Variants in NOX4 observed in about 807,000 individuals in gnomAD.
The protein encoded by NOX4 is kidney oxidase-1.
In NOX4, 69 loss-of-function variants were observed where a neutral mutation model predicts 87.6. That is an observed-to-expected ratio of 0.79 (90% CI 0.65 to 0.96). The LOEUF (loss-of-function observed/expected upper bound fraction) is 0.96. Ranked by LOEUF, NOX4 falls within the 40% of genes least tolerant of loss-of-function variation. The pLI, the probability that NOX4 is intolerant of heterozygous loss-of-function variation, is 0.00. For synonymous variants in NOX4, 275 were observed against 238.2 expected (o/e 1.15, Z -1.42); for missense variants, 680 against 681.5 (o/e 1.00, Z 0.02).
rs141735301 is a variant in NOX4 at position 89,437,980 on chromosome 11, T to C, written c.475+2708A>G. Among the ~76,000 whole-genome samples, 8 of 151,830 alleles carry C rather than the reference T, an allele frequency of 5.3e-5. No individual in the cohort carries two copies. The East Asian group carries it at 1.4e-3, about 26-fold the overall frequency. On this transcript the variant is annotated intron_variant, in intron 6 of 17. Transcript: ENST00000263317. ...CTCAAGAGTATGATGAGATGTTCAG[T>C]AGTGACAGGACAGCAGCTCCCAAAG...
the NOX4 span, among the ~76,000 whole-genome samples, chr11:89,520,108 T>C: frequency 6.6e-6 from 1 of 151,846 alleles, no homozygotes; most frequent in Non-Finnish European, 1.5e-5. Flanking sequence ...ATAGTCCCAT[T>C]AGAACTGAAA....
chr11:89,499,823 A>G (rs1266802952), upstream of NOX4, among the ~76,000 whole-genome samples: 1 of 151,866 alleles, frequency 6.6e-6, no homozygotes, highest in Admixed American at 6.6e-5. Flanking sequence ...TGCCTGGTTC[A>G]TTATTTAATC....
intron 12 of NOX4, among the ~76,000 whole-genome samples, chr11:89,356,358 A>G (rs1938051628): frequency 6.6e-6 from 1 of 151,916 alleles, no homozygotes; most frequent in Non-Finnish European, 1.5e-5. Flanking sequence ...TTGATTTAGT[A>G]AACTTCAGTG....
Position 89,473,871 on chromosome 11 carries a change from A to G in NOX4, c.153+16587T>C, listed in dbSNP as rs147747233. Among the ~76,000 whole-genome samples the G allele has an allele frequency of 4.1e-3, 617 of 152,326 alleles. 6 individuals are homozygous for G. Among genetic ancestry groups the G allele is most frequent in the South Asian group, 0.013 (62 of 4,834 alleles). ...AAATAAGCTATCAATTCAAAGAGAA[A>G]GAACTCTGTATGCAAAGAAAGAGCC... On this transcript the variant is annotated intron_variant, in intron 2 of 17. Coordinates refer to ENST00000263317, the MANE Select transcript of NOX4 (RefSeq NM_016931.5).
At position 89,451,844 on chromosome 11, in the gene NOX4, T is replaced by C. The variant is rs768079109; in HGVS notation, c.205A>G (p.Ser69Gly). ...CGGCACATGGGTAAAAGGATAAGGC[T>C]GCAGTTGAGGTTAAGAACAGATGCT... Reference protein sequence around the residue: ...ASASVLNLNCSLILLPMCRTL... With the variant: ...ASASVLNLNCGLILLPMCRTL... The change falls in exon 3 of 18, where the codon AGC becomes GGC. Residue 69 changes from serine to glycine, a missense_variant. Transcript: ENST00000263317. The C allele has an allele frequency of 6.2e-7, 1 of 1,613,560 alleles. No homozygotes were observed. The highest frequency in any genetic ancestry group is 1.7e-4 in the Middle Eastern group (1 of 6,052).
At chr11:89,330,057 C>A (rs1273069995) in intron 17 of NOX4, among the ~76,000 whole-genome samples, 1 of 151,934 alleles carries the variant, frequency 6.6e-6, no homozygotes. Context: ...ATAATGAGAA[C>A]TATAACATAT....
intron 12 of NOX4, among the ~76,000 whole-genome samples, chr11:89,364,232 G>A (rs1938756195): frequency 6.6e-6 from 1 of 151,994 alleles, no homozygotes; most frequent in South Asian, 2.1e-4. Context: ...AGGTGACAGA[G>A]TGAGACCCTG....
intron 7 of NOX4, among the ~76,000 whole-genome samples, chr11:89,423,541 T>C (rs2135272367): frequency 6.6e-6 from 1 of 152,306 alleles, no homozygotes; most frequent in East Asian, 1.9e-4. Flanking sequence ...TTCAATGTGT[T>C]AGTCATTTTT....
At chr11:89,483,871 T>C (rs1437806307) in intron 2 of NOX4, among the ~76,000 whole-genome samples, 1 of 152,124 alleles carries the variant, frequency 6.6e-6, no homozygotes, top group East Asian at 1.9e-4. Context: ...TAAATACAAT[T>C]GGCATTTGTC....
chr11:89,364,034 C>T (rs1938737912), intron 12 of NOX4, among the ~76,000 whole-genome samples: 1 of 152,048 alleles, frequency 6.6e-6, no homozygotes, highest in Admixed American at 6.6e-5. Context: ...AGCTTGAGGC[C>T]AGGGATTTGA....
At chr11:89,476,818 G>A (rs1375359439) in intron 2 of NOX4, among the ~76,000 whole-genome samples, 1 of 152,078 alleles carries the variant, frequency 6.6e-6, no homozygotes, top group Admixed American at 6.6e-5. Context: ...GAAGCACACG[G>A]CCACATAAAT....
At chr11:89,500,286 C>A (rs112697767), upstream of NOX4, among the ~76,000 whole-genome samples, 237 of 152,222 alleles carry the variant, frequency 1.6e-3, 2 homozygotes, top group African/African-American at 5.5e-3. Context: ...CCTTTTGATT[C>A]AGTCTCCTAC....
chr11:89,580,391 A>G, the NOX4 span, among the ~76,000 whole-genome samples: 1 of 152,120 alleles, frequency 6.6e-6, no homozygotes, highest in African/African-American at 2.4e-5. Flanking sequence ...TATGTTGCCC[A>G]GGCTAGTCTC....
At chr11:89,557,715 T>A in the NOX4 span, among the ~76,000 whole-genome samples, 2 of 152,136 alleles carry the variant, frequency 1.3e-5, no homozygotes, top group Non-Finnish European at 2.9e-5. Context: ...CATTAGCACT[T>A]ACTCAGGATA....
At chr11:89,394,542 G>A (rs1036811236) in intron 11 of NOX4, among the ~76,000 whole-genome samples, 5 of 152,022 alleles carry the variant, frequency 3.3e-5, no homozygotes, top group African/African-American at 1.2e-4. Flanking sequence ...TAGGGTACAC[G>A]TGCACAACGT....
chr11:89,354,222 C>A (rs1384945693), intron 13 of NOX4, among the ~76,000 whole-genome samples: 13 of 152,050 alleles, frequency 8.5e-5, no homozygotes, highest in East Asian at 1.9e-4. Context: ...TTTATTTATT[C>A]TTTAGCCTGT....
upstream of NOX4, among the ~76,000 whole-genome samples, chr11:89,496,773 G>T (rs1369444256): frequency 6.6e-6 from 1 of 151,980 alleles, no homozygotes; most frequent in Non-Finnish European, 1.5e-5. Context: ...TTCCAAAGAA[G>T]CTCTCTCTCT....
chr11:89,364,978 C>A (rs188344650), intron 12 of NOX4, among the ~76,000 whole-genome samples: 127 of 152,156 alleles, frequency 8.3e-4, no homozygotes, highest in African/African-American at 2.9e-3. Flanking sequence ...CACTCACAGT[C>A]CAGGGTTCTT....
At chr11:89,580,950 C>A in the NOX4 span, among the ~76,000 whole-genome samples, 1 of 152,084 alleles carries the variant, frequency 6.6e-6, no homozygotes, top group Non-Finnish European at 1.5e-5. Context: ...AAGGAGAAAA[C>A]AATATTTTTG....
Sources: gnomAD v4.1 joint callset for allele counts (sites outside exome capture counted in the v4.1 genomes callset) on GRCh38, gnomAD v4.1.1 for gene constraint, MANE v1.5 for transcripts, NCBI Gene and HGNC (gene_info 2026-07-23, HGNC 2026-07-21) for gene names.